TRPM6: variants seen among roughly 807,000 people sequenced by gnomAD.
The protein encoded by TRPM6 is channel kinase 2.
A neutral mutation model predicts 247.6 loss-of-function variants in TRPM6; 111 were observed. The observed-to-expected ratio is 0.45, with a 90% confidence interval of 0.38 to 0.52. The LOEUF (loss-of-function observed/expected upper bound fraction) is 0.52, where lower values mean the gene tolerates loss of function less well. TRPM6 is among the 20% of genes least tolerant of loss of function. TRPM6 has a pLI of 0.00. For missense variants in TRPM6, 2,126 were observed against 2,421.5 expected, an observed-to-expected ratio of 0.88 and a Z score of 2.56; for synonymous variants, 892 against 853.8, an observed-to-expected ratio of 1.04 and a Z score of -0.78.
chr9:74,867,936 T>C (rs1830903889), intron 1 of TRPM6, among the ~76,000 whole-genome samples: 1 of 151,518 alleles, frequency 6.6e-6, no homozygotes, highest in Admixed American at 6.6e-5. Context: ...CAGGGTCACG[T>C]GAGGTCAGGA....
chr9:74,807,939 G>A, intron 14 of TRPM6, 95 bp downstream of exon 14: 2 of 1,345,120 alleles, frequency 1.5e-6, no homozygotes, highest in African/African-American at 2.9e-5. Context: ...GACCATTTTA[G>A]GAGCTATTTT....
Position 74,817,505 on chromosome 9 carries a change from G to A in TRPM6, c.1135-541C>T, listed in dbSNP as rs542857709. Among the ~76,000 whole-genome samples, 288 of 152,186 alleles carry A rather than the reference G, an allele frequency of 1.9e-3. 1 individual carries two copies. The highest frequency in any genetic ancestry group is 4.4e-3 in the Admixed American group (68 of 15,286). On this transcript the variant is annotated intron_variant, in intron 9 of 38. Transcript: ENST00000360774. ...CGCCCAGCCAGACTTGCTTTTTTAC[G>A]AGAAATGAATCCTCAAGGGTTTGTC... is the stretch of plus-strand genomic sequence containing the variant.
intron 36 of TRPM6, among the ~76,000 whole-genome samples, chr9:74,736,436 T>C (rs1825695607): frequency 6.6e-6 from 1 of 152,186 alleles, no homozygotes; most frequent in Admixed American, 6.5e-5. Flanking sequence ...ACTAAAACCA[T>C]TAAGAGATTT....
At chr9:74,779,866 G>A (rs1023324502) in intron 23 of TRPM6, among the ~76,000 whole-genome samples, 6 of 152,176 alleles carry the variant, frequency 3.9e-5, no homozygotes, top group East Asian at 1.9e-4. Context: ...GGGAAGACTA[G>A]TGTGATGCAT....
chr9:74,815,827 A>G (rs1828905192), intron 11 of TRPM6, among the ~76,000 whole-genome samples: 2 of 152,252 alleles, frequency 1.3e-5, no homozygotes, highest in South Asian at 4.1e-4. Context: ...ATCATTTGAT[A>G]TTTTAAACAA....
intron 36 of TRPM6, among the ~76,000 whole-genome samples, chr9:74,736,635 C>T (rs1476572431): frequency 6.6e-6 from 1 of 152,180 alleles, no homozygotes; most frequent in East Asian, 1.9e-4. Flanking sequence ...TTGGCCAAAA[C>T]TCTCTGATAA....
intron 1 of TRPM6, among the ~76,000 whole-genome samples, chr9:74,879,985 A>G (rs1475471948): frequency 1.3e-5 from 2 of 152,096 alleles, no homozygotes; most frequent in East Asian, 1.9e-4. Context: ...ATCTGGCACT[A>G]TCTTCAGGTA....
chr9:74,814,262 C>T (rs1431554902), intron 11 of TRPM6, among the ~76,000 whole-genome samples: 1 of 151,772 alleles, frequency 6.6e-6, no homozygotes, highest in African/African-American at 2.4e-5. Context: ...CAATTGAATC[C>T]ATGGAGATGG....
chr9:74,816,813 T>C (rs1828949652), intron 10 of TRPM6, 44 bp from the exon 11 acceptor site: 29 of 1,611,052 alleles, frequency 1.8e-5, no homozygotes, highest in Non-Finnish European at 2.4e-5. Context: ...TTTCAAGATA[T>C]CTACGCAAGA....
intron 25 of TRPM6, among the ~76,000 whole-genome samples, chr9:74,768,179 T>C (rs188269335): frequency 6.6e-6 from 1 of 152,334 alleles, no homozygotes; most frequent in Non-Finnish European, 1.5e-5. Context: ...GATACCGCCT[T>C]CTTCTAGTTC....
chr9:74,775,168 C>T (rs79659137), intron 24 of TRPM6, among the ~76,000 whole-genome samples: 1,837 of 152,226 alleles, frequency 0.012, 35 homozygotes, highest in African/African-American at 0.042. Flanking sequence ...AATATATAAG[C>T]TTATGAAAAA....
intron 5 of TRPM6, 89 bp from the exon 6 acceptor site, chr9:74,834,211 G>A: frequency 6.7e-7 from 1 of 1,491,078 alleles, no homozygotes; most frequent in Non-Finnish European, 9.3e-7. Flanking sequence ...AAATAGGCAA[G>A]CATATGCAAG....
In TRPM6 at chr9:74,808,145, G is replaced by T. The variant is rs775871095; in HGVS notation, c.1527C>A (p.Thr509=). 1.2e-6 allele frequency: 2 copies of T among 1,613,784 alleles called. No homozygotes were observed. The highest frequency in any genetic ancestry group is 2.2e-5 in the East Asian group (1 of 44,848). The change falls in exon 14 of 39, where the codon ACC becomes ACA. Residue 509 remains threonine, a synonymous_variant. Coordinates refer to ENST00000360774, the MANE Select transcript of TRPM6 (RefSeq NM_017662.5). ...CTACTACTAATCCAATGTCAATCAA[G>T]GTTATTCGGTAGCCTGAAAGAAGGG... ...QHTLLSGYRI[T]LIDIGLVVEY...
At chr9:74,769,516 T>C (rs1226588497) in intron 25 of TRPM6, among the ~76,000 whole-genome samples, 1 of 151,872 alleles carries the variant, frequency 6.6e-6, no homozygotes, top group Non-Finnish European at 1.5e-5. Flanking sequence ...ACCAGCACTG[T>C]GGGAGGTCGA....
intron 1 of TRPM6, among the ~76,000 whole-genome samples, chr9:74,875,451 G>C (rs1337530911): frequency 1.3e-5 from 2 of 152,152 alleles, no homozygotes; most frequent in African/African-American, 4.8e-5. Flanking sequence ...GCTGAGGCAG[G>C]AGAATTGCTC....
intron 1 of TRPM6, among the ~76,000 whole-genome samples, chr9:74,862,850 G>T (rs1028526044): frequency 6.6e-6 from 1 of 151,518 alleles, no homozygotes; most frequent in Non-Finnish European, 1.5e-5. Context: ...ACGTGGTGTC[G>T]GGCGCCTATA....
chr9:74,726,305 T>A lies in TRPM6; in HGVS notation c.5936-1559A>T, dbSNP rs147313023. Reference sequence around the variant, plus strand: ...CAGGTGGATAACCTGAGGTCAAGAGTTCGAGACCAGGCTGGCCGATGTGGT... The same window carrying A: ...CAGGTGGATAACCTGAGGTCAAGAGATCGAGACCAGGCTGGCCGATGTGGT... On this transcript the variant is annotated intron_variant, in intron 38 of 38. Coordinates refer to ENST00000360774, the MANE Select transcript of TRPM6 (RefSeq NM_017662.5). Among the ~76,000 whole-genome samples the A allele has an allele frequency of 1.7e-4, 26 of 151,738 alleles. No homozygotes were observed. In the East Asian group the frequency reaches 5.1e-3, roughly 30 times the overall value.
At chr9:74,794,295 T>C (rs1828012965) in intron 18 of TRPM6, among the ~76,000 whole-genome samples, 1 of 152,240 alleles carries the variant, frequency 6.6e-6, no homozygotes, top group South Asian at 2.1e-4. Context: ...CCTGCAAGAT[T>C]AGCAAAATTT....
In TRPM6 at chr9:74,749,775, C is replaced by T. The variant is rs572252218; in HGVS notation, c.5057+889G>A. On this transcript the variant is annotated intron_variant, in intron 30 of 38. Coordinates refer to ENST00000360774, the MANE Select transcript of TRPM6 (RefSeq NM_017662.5). ...AACCCCTACTCTGCATGAGCACAAACTACTGAACCTTTGGGAGAAGAAAGT... is the reference window on the plus strand; with the variant it reads ...AACCCCTACTCTGCATGAGCACAAATTACTGAACCTTTGGGAGAAGAAAGT... Among the ~76,000 whole-genome samples, 3 of 152,334 alleles carry T rather than the reference C, an allele frequency of 2.0e-5. No individual in the cohort carries two copies. In the South Asian group the frequency reaches 6.2e-4, roughly 32 times the overall value.
Sources: gnomAD v4.1 joint callset for allele counts (sites outside exome capture counted in the v4.1 genomes callset) on GRCh38, gnomAD v4.1.1 for gene constraint, MANE v1.5 for transcripts, NCBI Gene and HGNC (gene_info 2026-07-23, HGNC 2026-07-21) for gene names.